The following NSUN4 variants were observed in gnomAD, a reference collection of about 807,000 sequenced individuals.
NSUN4 encodes the protein NOP2/Sun RNA methyltransferase 4, also known as 5-cytosine rRNA methyltransferase NSUN4.
Under a neutral mutation model 43.8 loss-of-function variants are expected in NSUN4, and 31 were observed. That is an observed-to-expected ratio of 0.71 (90% CI 0.53 to 0.96). The LOEUF (loss-of-function observed/expected upper bound fraction) is 0.96. NSUN4 is among the 40% of genes least tolerant of loss of function. The probability of loss-of-function intolerance (pLI) is 0.00; values close to 1 mark genes in which losing one functional copy is unlikely to be tolerated. For synonymous variants in NSUN4, 167 were observed against 184.1 expected, an observed-to-expected ratio of 0.91 and a Z score of 0.75; for missense variants, 439 against 475.6, an observed-to-expected ratio of 0.92 and a Z score of 0.72.
At chr1:46,342,747 C>A (rs895070800) in intron 1 of NSUN4, 16 of 399,184 alleles carry the variant, frequency 4.0e-5, no homozygotes, top group Admixed American at 8.8e-5. Flanking sequence ...TCCAGTTTCC[C>A]CCCAACCGAA....
At chr1:46,384,141 T>C in the NSUN4 span, among the ~76,000 whole-genome samples, 7 of 151,880 alleles carry the variant, frequency 4.6e-5, no homozygotes, top group Admixed American at 3.3e-4. Flanking sequence ...CAGGGTGGAG[T>C]AGGTAATCAA....
chr1:46,356,756 C>T (rs1178388305), intron 4 of NSUN4, among the ~76,000 whole-genome samples: 1 of 152,106 alleles, frequency 6.6e-6, no homozygotes, highest in East Asian at 1.9e-4. Flanking sequence ...TTGGTAACTC[C>T]ATCCTTCTCC....
Position 46,350,489 on chromosome 1 carries a change from G to A in NSUN4, c.593-2379G>A, listed in dbSNP as rs549216316. On this transcript the variant is annotated intron_variant, in intron 3 of 5. Coordinates refer to ENST00000474844, the MANE Select transcript of NSUN4 (RefSeq NM_199044.4). Reference sequence around the variant, plus strand: ...TTTACCATTCCCACCCTACCTTGTTGTTCTTTGACTCAGAGGCCAGGTATC... The same window carrying A: ...TTTACCATTCCCACCCTACCTTGTTATTCTTTGACTCAGAGGCCAGGTATC... 1.1e-4 allele frequency among the ~76,000 whole-genome samples: 17 copies of A among 152,266 alleles called. 1 individual carries two copies. In the South Asian group the frequency reaches 2.5e-3, roughly 22 times the overall value.
At position 46,345,650 on chromosome 1, in the gene NSUN4, A is replaced by G. The variant is rs1662435373; in HGVS notation, c.437+506A>G. On this transcript the variant is annotated intron_variant, in intron 2 of 5. Transcript: ENST00000474844. ...AAGAGGTAGTGGGACTTTCCTAGGA[A>G]ATAGGGCTGGTCTAGGGGCACAAAC... 3.3e-5 allele frequency among the ~76,000 whole-genome samples: 5 copies of G among 152,214 alleles called. No individual in the cohort carries two copies. The South Asian group carries it at 1.0e-3, about 31-fold the overall frequency.
chr1:46,355,018 A>G (rs1663270432), intron 4 of NSUN4, among the ~76,000 whole-genome samples: 2 of 152,308 alleles, frequency 1.3e-5, no homozygotes, highest in South Asian at 4.1e-4. Context: ...TGGAGAGAGC[A>G]TGACCTCTCC....
In NSUN4 at chr1:46,340,823, C is replaced by A; in HGVS notation, c.-4C>A. 6.2e-7 allele frequency: 1 copy of A among 1,609,308 alleles called. No individual in the cohort carries two copies. The highest frequency in any genetic ancestry group is 8.5e-7 in the Non-Finnish European group (1 of 1,177,830). On this transcript the variant is annotated 5_prime_UTR_variant, in exon 1 of 6. Coordinates refer to ENST00000474844, the MANE Select transcript of NSUN4 (RefSeq NM_199044.4). The stretch of plus-strand genomic sequence containing the variant: ...GTCGGAATTACCCCGTGGAGCACGC[C>A]GATATGGCTGCGCTGACACTGAGGG...
Position 46,363,072 on chromosome 1 carries a change from C to G in NSUN4, c.*1226C>G, listed in dbSNP as rs979436710. 1.3e-5 allele frequency: 2 copies of G among 151,706 alleles called. No individual in the cohort carries two copies. Among genetic ancestry groups the G allele is most frequent in the African/African-American group, 4.8e-5 (2 of 41,278 alleles). 9.4% of individuals were successfully genotyped at this position (151,706 alleles called of 1,614,324 possible). A position where few individuals can be genotyped will look rare whatever the true frequency, so the allele number is the denominator to read the frequency against. On this transcript the variant is annotated 3_prime_UTR_variant, in exon 6 of 6. Transcript: ENST00000474844. ...GAAGGCTTCTTGGCTTTTCCACTTT[C>G]CTTATTCCTCCTCTTCCTGCCACTC...
intron 1 of NSUN4, chr1:46,343,081 G>A (rs1051023317): frequency 2.3e-5 from 9 of 399,436 alleles, no homozygotes; most frequent in Non-Finnish European, 4.0e-5. Context: ...CAGAGCAGCC[G>A]CCATGGACCC....
At position 46,346,995 on chromosome 1, in the gene NSUN4, T is replaced by C. The variant is rs1199716231; in HGVS notation, c.512T>C (p.Leu171Pro). The change falls in exon 3 of 6, where the codon CTG becomes CCG. Residue 171 changes from leucine to proline, a missense_variant. Physicochemically the swap from Leu to Pro is moderately conservative, Grantham distance 98. Coordinates refer to ENST00000474844, the MANE Select transcript of NSUN4 (RefSeq NM_199044.4). ...TTGCTGCCTGTTCTGGCCCTCGGCCTGCAGCCTGGGGACATCGTGCTTGAC... is the reference window on the plus strand; with the variant it reads ...TTGCTGCCTGTTCTGGCCCTCGGCCCGCAGCCTGGGGACATCGTGCTTGAC... The part of the protein sequence containing the change: ...ASLLPVLALG[L>P]QPGDIVLDLC... 3.7e-6 allele frequency: 6 copies of C among 1,614,154 alleles called. No individual in the cohort carries two copies. The highest frequency in any genetic ancestry group is 5.1e-6 in the Non-Finnish European group (6 of 1,179,972).
chr1:46,346,574 AT>A (rs1557737629), intron 2 of NSUN4, among the ~76,000 whole-genome samples: 18 of 150,556 alleles, frequency 1.2e-4, no homozygotes, highest in African/African-American at 4.4e-4. Context: ...AAAAAAAAAA[AT>A]TAGCCAGGCA....
downstream of NSUN4, among the ~76,000 whole-genome samples, chr1:46,370,076 T>A (rs1024993100): frequency 2.0e-5 from 3 of 152,214 alleles, no homozygotes; most frequent in Non-Finnish European, 4.4e-5. Context: ...GGTGACACTT[T>A]AGGAGGTGTA....
intron 2 of NSUN4, among the ~76,000 whole-genome samples, chr1:46,345,775 G>A (rs1662443943): frequency 6.6e-6 from 1 of 152,190 alleles, no homozygotes; most frequent in Admixed American, 6.5e-5. Flanking sequence ...ATCAAATGCT[G>A]AATTATGCTT....
chr1:46,341,020 C>CG, intron 1 of NSUN4, 101 bp downstream of exon 1: 1 of 1,243,734 alleles, frequency 8.0e-7, no homozygotes, highest in Non-Finnish European at 1.1e-6. Context: ...CTTTCCCAAG[C>CG]ACTCCACGGA....
chr1:46,383,397 A>G, the NSUN4 span, among the ~76,000 whole-genome samples: 1 of 151,634 alleles, frequency 6.6e-6, no homozygotes, highest in Non-Finnish European at 1.5e-5. Flanking sequence ...TGTGGAGGTT[A>G]AAGAGGTCTG....
intron 3 of NSUN4, 137 bp downstream of exon 3, chr1:46,347,212 C>A: frequency 1.2e-6 from 1 of 822,752 alleles, no homozygotes; most frequent in Non-Finnish European, 1.8e-6. Context: ...CCGAGGGAGG[C>A]GGACCACCTG....
the NSUN4 span, among the ~76,000 whole-genome samples, chr1:46,380,601 G>A: frequency 6.6e-6 from 1 of 152,226 alleles, no homozygotes; most frequent in Non-Finnish European, 1.5e-5. Context: ...ATGAGGTGCT[G>A]TTCCAAGCTC....
intron 4 of NSUN4, among the ~76,000 whole-genome samples, chr1:46,360,152 C>T (rs1026557024): frequency 7.1e-5 from 10 of 141,558 alleles, no homozygotes. Flanking sequence ...TGGCGTAAAC[C>T]CGGGAGGCGG....
At chr1:46,383,143 C>A in the NSUN4 span, among the ~76,000 whole-genome samples, 7 of 152,192 alleles carry the variant, frequency 4.6e-5, no homozygotes, top group African/African-American at 1.7e-4. Context: ...GGAGGCCAGT[C>A]TGCAGGAAGT....
In NSUN4 at chr1:46,362,349, A is replaced by G. The variant is rs747558608; in HGVS notation, c.*503A>G. ...TCAATTAAGCCCGCCTGGTTTTTCC[A>G]TATGGCTCATGATCTAATTTAAGGA... On this transcript the variant is annotated 3_prime_UTR_variant, in exon 6 of 6. Coordinates refer to ENST00000474844, the MANE Select transcript of NSUN4 (RefSeq NM_199044.4). 1.3e-5 allele frequency: 2 copies of G among 155,484 alleles called. No homozygotes were observed. Among genetic ancestry groups the G allele is most frequent in the Non-Finnish European group, 2.9e-5 (2 of 70,174 alleles). 9.6% of individuals were successfully genotyped at this position (155,484 alleles called of 1,614,324 possible).
Sources: allele counts gnomAD v4.1 joint callset (sites outside exome capture counted in the v4.1 genomes callset), GRCh38; gene constraint gnomAD v4.1.1; transcripts MANE v1.5; gene names NCBI Gene and HGNC (gene_info 2026-07-23, HGNC 2026-07-21).